The following DOCK4 variants were observed in gnomAD, a reference collection of about 807,000 sequenced individuals.
The protein encoded by DOCK4 is dedicator of cytokinesis protein 4.
Under a neutral mutation model 268.1 loss-of-function variants are expected in DOCK4, and 97 were observed. That is an observed-to-expected ratio of 0.36 (90% CI 0.31 to 0.43). DOCK4 has a LOEUF of 0.43. Among genes scored for constraint, DOCK4 ranks in the 20% least tolerant of loss-of-function variants. The pLI, the probability that DOCK4 is intolerant of heterozygous loss-of-function variation, is 1.00. For missense variants in DOCK4, 2,145 were observed against 2,455.7 expected, an observed-to-expected ratio of 0.87 and a Z score of 2.67; for synonymous variants, 954 against 887.2, an observed-to-expected ratio of 1.08 and a Z score of -1.34.
rs149631297 is a variant in DOCK4, at chr7:111,842,343, C to T, written c.2736+2420G>A. On this transcript the variant is annotated intron_variant, in intron 25 of 52. Coordinates refer to ENST00000428084, the MANE Select transcript of DOCK4 (RefSeq NM_001363540.2). ...CTGTGAAAGACCAATAGTTGGTAGA[C>T]AAAAGAAAAAGTCCCAAAAAACCTT... Among the ~76,000 whole-genome samples, 598 of 152,216 alleles carry T rather than the reference C, an allele frequency of 3.9e-3. 6 individuals are homozygous for T. Among genetic ancestry groups the T allele is most frequent in the African/African-American group, 0.014 (573 of 41,546 alleles).
At chr7:111,944,699 G>T in intron 10 of DOCK4, 112 bp downstream of exon 10, 1 of 1,050,504 alleles carries the variant, frequency 9.5e-7, no homozygotes, top group Non-Finnish European at 1.4e-6. Flanking sequence ...TTCAAATCTG[G>T]CTTTGATATC....
At chr7:111,975,735 A>G (rs868382491) in intron 8 of DOCK4, among the ~76,000 whole-genome samples, 2 of 152,204 alleles carry the variant, frequency 1.3e-5, no homozygotes, top group African/African-American at 4.8e-5. Context: ...TTACTAGTAG[A>G]TAACGACTAA....
intron 12 of DOCK4, among the ~76,000 whole-genome samples, chr7:111,923,096 A>C (rs534702668): frequency 4.6e-5 from 7 of 152,344 alleles, no homozygotes; most frequent in South Asian, 4.1e-4. Flanking sequence ...ACAACACAAC[A>C]ACAGTAACCA....
intron 1 of DOCK4, among the ~76,000 whole-genome samples, chr7:112,059,988 G>A (rs892123796): frequency 3.9e-5 from 6 of 152,146 alleles, no homozygotes; most frequent in African/African-American, 1.2e-4. Flanking sequence ...AATGGAAAAC[G>A]ATTAGAAGCA....
At chr7:112,063,479 C>T (rs951365852) in intron 1 of DOCK4, among the ~76,000 whole-genome samples, 3 of 152,150 alleles carry the variant, frequency 2.0e-5, no homozygotes, top group African/African-American at 7.2e-5. Context: ...CACAATTGGG[C>T]AAAATCATCT....
chr7:112,094,333 G>A (rs1809907836), intron 1 of DOCK4, among the ~76,000 whole-genome samples: 1 of 152,258 alleles, frequency 6.6e-6, no homozygotes, highest in Admixed American at 6.5e-5. Flanking sequence ...GAGAAATAGA[G>A]CTGTATTTCA....
In DOCK4 at chr7:111,797,316, G is replaced by A. The variant is rs76196773; in HGVS notation, c.3167-6711C>T. On this transcript the variant is annotated intron_variant, in intron 30 of 52. Transcript: ENST00000428084. ...AACCATCTAAAAATCCCCCTTATTT[G>A]GGGCCCTTTTAAGTTCCCTTCTCAT... Among the ~76,000 whole-genome samples, 1,480 of 152,226 alleles carry A rather than the reference G, an allele frequency of 9.7e-3. 18 individuals carry two copies. Among genetic ancestry groups the A allele is most frequent in the African/African-American group, 0.033 (1,378 of 41,542 alleles).
chr7:112,052,883 T>G (rs1226988046), intron 1 of DOCK4, among the ~76,000 whole-genome samples: 1 of 152,150 alleles, frequency 6.6e-6, no homozygotes, highest in African/African-American at 2.4e-5. Context: ...ATAATATATA[T>G]CAAATATAAA....
At chr7:112,040,713 T>A (rs1198471851) in intron 1 of DOCK4, among the ~76,000 whole-genome samples, 1 of 152,068 alleles carries the variant, frequency 6.6e-6, no homozygotes, top group African/African-American at 2.4e-5. Flanking sequence ...CCAATACACA[T>A]TTCAATAAAT....
intron 1 of DOCK4, among the ~76,000 whole-genome samples, chr7:112,183,615 G>C (rs528933015): frequency 6.6e-6 from 1 of 152,272 alleles, no homozygotes; most frequent in South Asian, 2.1e-4. Flanking sequence ...AGCATACCTA[G>C]TCTTGTCCAA....
intron 32 of DOCK4, among the ~76,000 whole-genome samples, chr7:111,784,693 A>C (rs1799045491): frequency 6.6e-6 from 1 of 152,192 alleles, no homozygotes; most frequent in Non-Finnish European, 1.5e-5. Flanking sequence ...AATAATAACA[A>C]TCATGATAAT....
chr7:112,119,872 G>A (rs1394926784), intron 1 of DOCK4, among the ~76,000 whole-genome samples: 3 of 151,052 alleles, frequency 2.0e-5, no homozygotes, highest in African/African-American at 7.3e-5. Context: ...TTCCGAGATG[G>A]AGTCTCACTC....
At chr7:112,057,650 C>T (rs1328063205) in intron 1 of DOCK4, among the ~76,000 whole-genome samples, 1 of 151,810 alleles carries the variant, frequency 6.6e-6, no homozygotes, top group African/African-American at 2.4e-5. Flanking sequence ...TGGTATGTGC[C>T]TGTAGTCCTA....
chr7:111,736,933 G>A lies in DOCK4; in HGVS notation c.5289C>T (p.Leu1763=). Residue 1763 remains leucine, a synonymous_variant, in exon 50 of 53, where the codon CTC becomes CTT. Transcript: ENST00000428084. ...DGALPRSDPN[L]SAPEKAVNPT... is the part of the protein sequence containing the mutation. ...TGGCCTTACCTTTTTCAGGTGCAGA[G>A]AGATTTGGGTCACTGCGTGGCAAGG... is the stretch of plus-strand genomic sequence containing the variant. 1 of 1,603,434 alleles carries A rather than the reference G, an allele frequency of 6.2e-7. No individual in the cohort carries two copies. The highest frequency in any genetic ancestry group is 8.5e-7 in the Non-Finnish European group (1 of 1,174,888).
intron 1 of DOCK4, among the ~76,000 whole-genome samples, chr7:112,102,647 C>A (rs1810802267): frequency 6.6e-6 from 1 of 152,112 alleles, no homozygotes; most frequent in African/African-American, 2.4e-5. Context: ...GAGAAGGTGC[C>A]ATCTATGAAC....
intron 26 of DOCK4, among the ~76,000 whole-genome samples, chr7:111,824,567 G>A (rs1802253647): frequency 1.3e-5 from 2 of 152,126 alleles, no homozygotes; most frequent in Admixed American, 6.5e-5. Flanking sequence ...GTGGTGGTGT[G>A]TATGTATGTG....
intron 8 of DOCK4, among the ~76,000 whole-genome samples, chr7:111,947,308 A>G (rs1408615376): frequency 6.6e-6 from 1 of 152,198 alleles, no homozygotes; most frequent in Non-Finnish European, 1.5e-5. Flanking sequence ...GCTGTTTTGG[A>G]ACACTTATTC....
Position 111,727,119 on chromosome 7 carries a change from T to C in DOCK4, c.*1155A>G, listed in dbSNP as rs576488284. ...TACATACAAGGTGCTTTTTTCACACTTCTACAACTGGCATTAGCATCCCTA... is the reference window on the plus strand; with the variant it reads ...TACATACAAGGTGCTTTTTTCACACCTCTACAACTGGCATTAGCATCCCTA... On this transcript the variant is annotated 3_prime_UTR_variant, in exon 53 of 53. Coordinates refer to ENST00000428084, the MANE Select transcript of DOCK4 (RefSeq NM_001363540.2). 1.3e-5 allele frequency: 2 copies of C among 152,642 alleles called. No individual in the cohort carries two copies. Among genetic ancestry groups the C allele is most frequent in the South Asian group, 2.1e-4 (1 of 4,832 alleles). The allele number at this position is 152,642 out of a possible 1,614,324, so 9.5% of individuals were successfully genotyped here.
chr7:111,886,721 G>A (rs1192892282), intron 16 of DOCK4, among the ~76,000 whole-genome samples: 1 of 152,150 alleles, frequency 6.6e-6, no homozygotes, highest in Non-Finnish European at 1.5e-5. Flanking sequence ...TCTTGGAATG[G>A]ATCCTGGAAC....
Sources: allele counts gnomAD v4.1 joint callset (sites outside exome capture counted in the v4.1 genomes callset), GRCh38; gene constraint gnomAD v4.1.1; transcripts MANE v1.5; gene names NCBI Gene and HGNC (gene_info 2026-07-23, HGNC 2026-07-21).